The following KIAA1671 variants were observed in gnomAD, a reference collection of about 807,000 sequenced individuals.
KIAA1671 encodes KIAA1671, also known as uncharacterized protein KIAA1671.
Under a neutral mutation model 131.2 loss-of-function variants are expected in KIAA1671, and 52 were observed. The ratio of observed to expected loss-of-function variants is 0.40; its 90% CI spans 0.32 to 0.50. The LOEUF is 0.50. Among genes scored for constraint, KIAA1671 ranks in the 20% least tolerant of loss-of-function variants. The pLI, the probability that KIAA1671 is intolerant of heterozygous loss-of-function variation, is 0.73. For synonymous variants in KIAA1671, 1,003 were observed against 961.6 expected (o/e 1.04, Z -0.80); for missense variants, 2,360 against 2,364.2 (o/e 1.00, Z 0.04).
At chr22:25,090,580 C>T (rs1233986245) in intron 6 of KIAA1671, among the ~76,000 whole-genome samples, 2 of 152,250 alleles carry the variant, frequency 1.3e-5, no homozygotes, top group African/African-American at 2.4e-5. Context: ...GAGGCCTTGT[C>T]GAGAGAAACA....
intron 6 of KIAA1671, among the ~76,000 whole-genome samples, chr22:25,117,369 A>G (rs1480755864): frequency 1.3e-5 from 2 of 152,040 alleles, no homozygotes; most frequent in African/African-American, 4.8e-5. Flanking sequence ...AAGTCACAGG[A>G]CTGGGGATCC....
At chr22:25,045,139 C>A (rs1303681385) in intron 5 of KIAA1671, among the ~76,000 whole-genome samples, 3 of 151,002 alleles carry the variant, frequency 2.0e-5, no homozygotes, top group Non-Finnish European at 4.4e-5. Context: ...CCAGCCTGGG[C>A]GACAGAGAGA....
At chr22:25,141,242 T>G (rs1416666309) in intron 6 of KIAA1671, among the ~76,000 whole-genome samples, 4 of 151,086 alleles carry the variant, frequency 2.6e-5, no homozygotes, top group South Asian at 2.1e-4. Flanking sequence ...TTGTTTTTTG[T>G]TTTTTTTTGA....
chr22:24,955,869 CA>C (rs1224213737), intron 1 of KIAA1671, among the ~76,000 whole-genome samples: 3 of 151,712 alleles, frequency 2.0e-5, no homozygotes, highest in African/African-American at 7.3e-5. Flanking sequence ...ACTAAAAATA[CA>C]AAAAAATTAG....
chr22:25,030,244 A>C (rs1329301124), intron 3 of KIAA1671, among the ~76,000 whole-genome samples: 2 of 152,104 alleles, frequency 1.3e-5, no homozygotes, highest in African/African-American at 4.8e-5. Flanking sequence ...TTGGTTAATA[A>C]TGATGTTCTA....
intron 1 of KIAA1671, among the ~76,000 whole-genome samples, chr22:24,977,249 A>G (rs1157661633): frequency 1.3e-5 from 2 of 152,166 alleles, no homozygotes; most frequent in Non-Finnish European, 2.9e-5. Context: ...GTTTCTTTGA[A>G]AAAAGGGAAA....
chr22:24,981,628 G>A (rs1294900468), intron 1 of KIAA1671, among the ~76,000 whole-genome samples: 2 of 152,196 alleles, frequency 1.3e-5, no homozygotes, highest in Non-Finnish European at 2.9e-5. Context: ...AGGAAAACTC[G>A]GCCAGGTGCC....
At chr22:24,960,327 C>T (rs1438091950) in intron 1 of KIAA1671, among the ~76,000 whole-genome samples, 1 of 151,012 alleles carries the variant, frequency 6.6e-6, no homozygotes, top group Non-Finnish European at 1.5e-5. Context: ...GGGCGGATCA[C>T]TTGAGGTCAG....
chr22:25,019,657 C>A lies in KIAA1671; in HGVS notation c.-207-5976C>A, dbSNP rs1204688595. Among the ~76,000 whole-genome samples the A allele has an allele frequency of 2.0e-5, 3 of 149,306 alleles. 1 individual carries two copies. The highest frequency in any genetic ancestry group is 4.4e-5 in the Non-Finnish European group (3 of 67,598). On this transcript the variant is annotated intron_variant, in intron 1 of 12. Transcript: ENST00000358431. ...AGACCTCTGTCATTTGTATAAACAA[C>A]CTTTGCTATTGTCATGACCTTGAAT...
chr22:24,999,079 G>A (rs545368062), intron 1 of KIAA1671, among the ~76,000 whole-genome samples: 1 of 152,220 alleles, frequency 6.6e-6, no homozygotes, highest in East Asian at 1.9e-4. Context: ...AGCTTTTATA[G>A]GTCCTGCCAG....
chr22:25,124,091 G>A (rs1932068524), intron 6 of KIAA1671, among the ~76,000 whole-genome samples: 1 of 152,174 alleles, frequency 6.6e-6, no homozygotes, highest in Non-Finnish European at 1.5e-5. Flanking sequence ...AGCCAGCCTG[G>A]GGTCAGGCTC....
chr22:24,955,271 G>T (rs1215848677), intron 1 of KIAA1671, among the ~76,000 whole-genome samples: 1 of 152,192 alleles, frequency 6.6e-6, no homozygotes, highest in Non-Finnish European at 1.5e-5. Flanking sequence ...AAGACACTGT[G>T]TCAAAGATGA....
At chr22:25,141,334 G>A (rs978465394) in intron 6 of KIAA1671, among the ~76,000 whole-genome samples, 1 of 152,066 alleles carries the variant, frequency 6.6e-6, no homozygotes, top group African/African-American at 2.4e-5. Context: ...CTGGGTTCAC[G>A]CCATTCTCCT....
At position 25,155,532 on chromosome 22, in the gene KIAA1671, T is replaced by C. The variant is rs538179970; in HGVS notation, c.4531-15288T>C. The stretch of plus-strand genomic sequence containing the variant: ...TATTTATATGTGTTTTTGTGTTGTC[T>C]ATTTTTTGTGTATGTGTGTGCATTG... On this transcript the variant is annotated intron_variant, in intron 6 of 12. Coordinates refer to ENST00000358431, the MANE Select transcript of KIAA1671 (RefSeq NM_001145206.2). Among the ~76,000 whole-genome samples the C allele has an allele frequency of 8.6e-5, 13 of 151,532 alleles. No individual in the cohort carries two copies. In the South Asian group the frequency reaches 2.7e-3, roughly 32 times the overall value.
chr22:24,967,436 C>T lies in KIAA1671; in HGVS notation c.-208+14664C>T, dbSNP rs1458564970. Among the ~76,000 whole-genome samples the T allele has an allele frequency of 2.0e-5, 3 of 152,228 alleles. No individual in the cohort carries two copies. The East Asian group carries it at 5.8e-4, about 29-fold the overall frequency. ...TCTGACTCCATCAGAAATACCTTCT[C>T]TCCCATCGGAAGTTCCAGTGCTGTG... On this transcript the variant is annotated intron_variant, in intron 1 of 12. Transcript: ENST00000358431.
chr22:25,068,577 C>T (rs1189196813), intron 6 of KIAA1671, among the ~76,000 whole-genome samples: 2 of 152,204 alleles, frequency 1.3e-5, no homozygotes, highest in Non-Finnish European at 2.9e-5. Context: ...GCTGGGACTA[C>T]AGGCGCCCGC....
chr22:24,973,986 C>T (rs1312375896), intron 1 of KIAA1671, among the ~76,000 whole-genome samples: 3 of 151,686 alleles, frequency 2.0e-5, no homozygotes, highest in Admixed American at 6.6e-5. Flanking sequence ...CTGGCTCTGC[C>T]CACCCTCTGC....
At chr22:24,980,075 C>T (rs1244221816) in intron 1 of KIAA1671, among the ~76,000 whole-genome samples, 2 of 151,842 alleles carry the variant, frequency 1.3e-5, no homozygotes, top group African/African-American at 2.4e-5. Context: ...AGCAATTCTC[C>T]TGCCTCAGCC....
intron 7 of KIAA1671, among the ~76,000 whole-genome samples, chr22:25,171,557 C>CA (rs906906215): frequency 3.3e-5 from 5 of 151,070 alleles, no homozygotes; most frequent in Admixed American, 6.6e-5. Context: ...ACTAAAAACG[C>CA]AAAAAAAATT....
Sources: allele counts gnomAD v4.1 joint callset (sites outside exome capture counted in the v4.1 genomes callset), GRCh38; gene constraint gnomAD v4.1.1; transcripts MANE v1.5; gene names NCBI Gene and HGNC (gene_info 2026-07-23, HGNC 2026-07-21).